Variants in HTR3B observed in about 807,000 individuals in gnomAD.
The protein encoded by HTR3B is 5-hydroxytryptamine receptor 3B, also known as 5-hydroxytryptamine (serotonin) receptor 3B, ionotropic.
HTR3B carries 44 observed loss-of-function variants against 42.8 expected under a neutral mutation model. The ratio of observed to expected loss-of-function variants is 1.03; its 90% CI spans 0.81 to 1.32. The LOEUF (loss-of-function observed/expected upper bound fraction) is 1.32. Ranked by LOEUF, HTR3B falls within the 40% of genes most tolerant of loss-of-function variation. The pLI, the probability that HTR3B is intolerant of heterozygous loss-of-function variation, is 0.00. For synonymous variants in HTR3B, 203 were observed against 209.0 expected, an observed-to-expected ratio of 0.97 and a Z score of 0.25; for missense variants, 527 against 536.5, an observed-to-expected ratio of 0.98 and a Z score of 0.17.
At position 113,943,132 on chromosome 11, in the gene HTR3B, G is replaced by A. The variant is rs781107106; in HGVS notation, c.847G>A (p.Val283Ile). 32 of 1,614,110 alleles carry A rather than the reference G, an allele frequency of 2.0e-5. 1 individual carries two copies. The Admixed American group carries it at 2.7e-4, about 13-fold the overall frequency. ...FKTSVLVGYTVFRVNMSNQVP... is the reference protein window; with the variant it reads ...FKTSVLVGYTIFRVNMSNQVP... Reference sequence around the variant, plus strand: ...GACCAGTGTGCTGGTGGGCTACACCGTCTTCAGGGTCAACATGTCCAACCA... The same window carrying A: ...GACCAGTGTGCTGGTGGGCTACACCATCTTCAGGGTCAACATGTCCAACCA... Residue 283 changes from valine (V) to isoleucine (I), a missense_variant, in exon 7 of 9, where the codon GTC becomes ATC. Transcript: ENST00000260191.
intron 2 of HTR3B, among the ~76,000 whole-genome samples, chr11:113,912,345 G>A (rs1037416436): frequency 8.5e-5 from 13 of 152,082 alleles, no homozygotes; most frequent in East Asian, 1.9e-4. Context: ...CCGGGTTCAC[G>A]CCATTCTCCT....
rs565246424 is a variant in HTR3B, at chr11:113,946,866, A to G, written c.*729A>G. 1.3e-5 allele frequency among the ~76,000 whole-genome samples: 2 copies of G among 152,198 alleles called. No homozygotes were observed. Among genetic ancestry groups the G allele is most frequent in the Non-Finnish European group, 2.9e-5 (2 of 68,040 alleles). The stretch of plus-strand genomic sequence containing the variant: ...TCAACAAAACCTTTATTGAGTATTA[A>G]GTCCTAGGCATTATGTTAGGCACAC... On this transcript the variant is annotated 3_prime_UTR_variant, in exon 9 of 9. Coordinates refer to ENST00000260191, the MANE Select transcript of HTR3B (RefSeq NM_006028.5).
chr11:113,913,350 A>ATTTTTTT (rs71063533), intron 2 of HTR3B, among the ~76,000 whole-genome samples: 753 of 61,538 alleles, frequency 0.012, 25 homozygotes, highest in African/African-American at 0.021. Context: ...TGTCTGGCTA[A>ATTTTTTT]TTTTTTTTTT....
At chr11:113,924,607 A>G (rs1949950039) in intron 2 of HTR3B, among the ~76,000 whole-genome samples, 1 of 148,800 alleles carries the variant, frequency 6.7e-6, no homozygotes, top group African/African-American at 2.5e-5. Context: ...CTTGGGCAAC[A>G]AAGCAAGACC....
chr11:113,911,897 TC>T (rs1949798397), intron 2 of HTR3B, among the ~76,000 whole-genome samples: 2 of 152,138 alleles, frequency 1.3e-5, no homozygotes, highest in East Asian at 3.9e-4. Context: ...TCCTAGTCCA[TC>T]CCCATCCTCT....
At chr11:113,937,793 T>C (rs1463161361) in intron 6 of HTR3B, among the ~76,000 whole-genome samples, 1 of 152,256 alleles carries the variant, frequency 6.6e-6, no homozygotes, top group Non-Finnish European at 1.5e-5. Flanking sequence ...TGGGCATTAC[T>C]TGGCAGGTCG....
Position 113,945,932 on chromosome 11 carries a change from A to C in HTR3B, c.1121A>C (p.Gln374Pro), listed in dbSNP as rs1457696107. The C allele has an allele frequency of 2.5e-6, 4 of 1,614,042 alleles. No individual in the cohort carries two copies. In the East Asian group the frequency reaches 8.9e-5, roughly 36 times the overall value. ...TCGCTGTATGGAGAGCACCTGGCCC[A>C]GCCAGGAACCCTGAAGGAAGTCTGG... Reference protein sequence around the residue: ...ESSLYGEHLAQPGTLKEVWSQ... With the variant: ...ESSLYGEHLAPPGTLKEVWSQ... Residue 374 changes from glutamine to proline, a missense_variant, in exon 9 of 9, where the codon CAG (glutamine) becomes CCG (proline). Gln to Pro is a moderately conservative substitution (Grantham distance 76, BLOSUM62 -1). Coordinates refer to ENST00000260191, the MANE Select transcript of HTR3B (RefSeq NM_006028.5).
At chr11:113,936,996 T>A (rs1229180688) in intron 6 of HTR3B, among the ~76,000 whole-genome samples, 2 of 152,232 alleles carry the variant, frequency 1.3e-5, no homozygotes, top group Non-Finnish European at 2.9e-5. Context: ...ATTACCTGGC[T>A]TTAATGGATA....
At chr11:113,929,039 A>G (rs1186208641) in intron 2 of HTR3B, among the ~76,000 whole-genome samples, 1 of 152,148 alleles carries the variant, frequency 6.6e-6, no homozygotes, top group East Asian at 1.9e-4. Flanking sequence ...TCAGAAGTGG[A>G]ATTGCTGGAT....
chr11:113,934,078 G>A (rs1362251676), intron 6 of HTR3B, among the ~76,000 whole-genome samples: 1 of 152,160 alleles, frequency 6.6e-6, no homozygotes, highest in Non-Finnish European at 1.5e-5. Flanking sequence ...GATATGCTAA[G>A]GGGAGGTGAA....
intron 2 of HTR3B, among the ~76,000 whole-genome samples, chr11:113,923,627 C>G (rs1949937453): frequency 1.3e-5 from 2 of 152,098 alleles, no homozygotes. Flanking sequence ...TAAATAGACT[C>G]CCTCTGTTAG....
intron 2 of HTR3B, among the ~76,000 whole-genome samples, chr11:113,922,859 T>A (rs1378606053): frequency 6.6e-6 from 1 of 152,238 alleles, no homozygotes; most frequent in African/African-American, 2.4e-5. Flanking sequence ...CCGGCAAGTC[T>A]GTGTATTTCT....
At chr11:113,909,620 A>G (rs1949767102) in intron 2 of HTR3B, among the ~76,000 whole-genome samples, 165 bp downstream of exon 2, 1 of 152,210 alleles carries the variant, frequency 6.6e-6, no homozygotes, top group African/African-American at 2.4e-5. Flanking sequence ...CATTAGGCAA[A>G]TCATGCTTTC....
the HTR3B span, among the ~76,000 whole-genome samples, chr11:113,899,355 A>G: frequency 2.0e-5 from 3 of 152,214 alleles, no homozygotes; most frequent in Admixed American, 6.5e-5. Flanking sequence ...ACTGTGGAGT[A>G]ACAGAAATTT....
chr11:113,899,222 C>T, the HTR3B span, among the ~76,000 whole-genome samples: 32 of 152,160 alleles, frequency 2.1e-4, no homozygotes, highest in South Asian at 2.1e-3. Flanking sequence ...TTTTAAGGAC[C>T]GTAAAATGTG....
At chr11:113,945,707 G>A (rs531312281) in intron 8 of HTR3B, among the ~76,000 whole-genome samples, 195 bp from the exon 9 acceptor site, 2 of 152,298 alleles carry the variant, frequency 1.3e-5, no homozygotes, top group South Asian at 4.1e-4. Context: ...CAGCTCTGAC[G>A]TGTTCTCTGA....
chr11:113,904,682 C>A, upstream of HTR3B: 1 of 438,746 alleles, frequency 2.3e-6, no homozygotes, highest in African/African-American at 2.0e-5. Flanking sequence ...TGGCCACGGT[C>A]TGATCTTGGG....
chr11:113,920,992 T>C (rs1323984364), intron 2 of HTR3B, among the ~76,000 whole-genome samples: 3 of 150,736 alleles, frequency 2.0e-5, no homozygotes, highest in Non-Finnish European at 4.4e-5. Flanking sequence ...TTTGTATTTT[T>C]AGTAGAGATG....
At chr11:113,945,167 C>G (rs1294993265) in intron 8 of HTR3B, among the ~76,000 whole-genome samples, 1 of 152,136 alleles carries the variant, frequency 6.6e-6, no homozygotes, top group East Asian at 1.9e-4. Flanking sequence ...CAGAATCTCG[C>G]TCTGTCGCCC....
Sources: allele counts gnomAD v4.1 joint callset (sites outside exome capture counted in the v4.1 genomes callset), GRCh38; gene constraint gnomAD v4.1.1; transcripts MANE v1.5; gene names NCBI Gene and HGNC (gene_info 2026-07-23, HGNC 2026-07-21).